ACO2: variants seen among roughly 807,000 people sequenced by gnomAD.
The protein encoded by ACO2 is aconitate hydratase, mitochondrial.
A neutral mutation model predicts 84.5 loss-of-function variants in ACO2; 31 were observed. The observed-to-expected ratio is 0.37, with a 90% CI of 0.28 to 0.50. The LOEUF is 0.50. Ranked by LOEUF, ACO2 falls within the 20% of genes least tolerant of loss-of-function variation. ACO2 has a pLI of 0.97. For synonymous variants in ACO2, 414 were observed against 412.7 expected, an observed-to-expected ratio of 1.00 and a Z score of -0.04; for missense variants, 685 against 1,029.3, an observed-to-expected ratio of 0.67 and a Z score of 4.58.
intron 2 of ACO2, among the ~76,000 whole-genome samples, chr22:41,501,446 A>AT (rs2066353179): frequency 6.6e-6 from 1 of 152,180 alleles, no homozygotes; most frequent in African/African-American, 2.4e-5. Context: ...ACCACAGAGG[A>AT]TGAGGAGTCG....
At chr22:41,479,591 C>T (rs2038063597) in intron 1 of ACO2, among the ~76,000 whole-genome samples, 1 of 152,132 alleles carries the variant, frequency 6.6e-6, no homozygotes, top group Non-Finnish European at 1.5e-5. Flanking sequence ...ACAGTTCAGT[C>T]GGCTCTGTGC....
At chr22:41,477,180 G>A (rs970670103) in intron 1 of ACO2, among the ~76,000 whole-genome samples, 34 of 150,950 alleles carry the variant, frequency 2.3e-4, no homozygotes, top group Non-Finnish European at 4.3e-4. Context: ...TTGAGACGGA[G>A]TCTGGCTCTG....
rs747948591 is a variant in ACO2 at position 41,515,734 on chromosome 22, C to CCT, written c.685-29_685-28dup. 1.2e-6 allele frequency: 2 copies of CCT among 1,612,080 alleles called. No homozygotes were observed. ...TCGTGGCTGGCACAGGCACACACGG[C>CCT]CTCTCACAGCCGCCTCGCCCCCTCC... On this transcript the variant is annotated intron_variant, in intron 5 of 17. Coordinates refer to ENST00000216254, the MANE Select transcript of ACO2 (RefSeq NM_001098.3). The surrounding 1 kb of genome is among the most constrained non-coding windows in gnomAD (Gnocchi z 5.8).
chr22:41,480,672 T>C (rs2038076086), intron 1 of ACO2, among the ~76,000 whole-genome samples: 2 of 152,324 alleles, frequency 1.3e-5, no homozygotes, highest in African/African-American at 4.8e-5. Flanking sequence ...TTCGTATATA[T>C]TTTTTGTAAT....
At chr22:41,512,897 G>A (rs1032012348) in intron 4 of ACO2, among the ~76,000 whole-genome samples, 1 of 152,068 alleles carries the variant, frequency 6.6e-6, no homozygotes, top group Non-Finnish European at 1.5e-5. Flanking sequence ...CTGCCTCTTC[G>A]CACCTTTGCA....
Position 41,504,614 on chromosome 22 carries a change from C to T in ACO2, c.174-3177C>T, listed in dbSNP as rs115086070. On this transcript the variant is annotated intron_variant, in intron 2 of 17. Transcript: ENST00000216254. ...GCCTTGGCGGTGCTGCCGCAATCGG[C>T]GCAGGCTGTACCTCAGGCTAGTGCT... Among the ~76,000 whole-genome samples the T allele has an allele frequency of 7.4e-3, 1,109 of 150,380 alleles. 22 individuals are homozygous for T. The highest frequency in any genetic ancestry group is 0.026 in the African/African-American group (1,056 of 41,090).
chr22:41,526,685 A>G (rs1044716354), intron 15 of ACO2: 3 of 483,452 alleles, frequency 6.2e-6, no homozygotes, highest in Non-Finnish European at 7.4e-6. Context: ...TTAGTGAGAG[A>G]TATCTTAGGA....
intron 1 of ACO2, among the ~76,000 whole-genome samples, chr22:41,471,602 A>T (rs918221387): frequency 6.6e-6 from 1 of 152,190 alleles, no homozygotes; most frequent in African/African-American, 2.4e-5. Context: ...CTGTATTCTA[A>T]TGTACCTGAC....
At chr22:41,494,235 C>T (rs2066295000) in intron 1 of ACO2, among the ~76,000 whole-genome samples, 1 of 152,132 alleles carries the variant, frequency 6.6e-6, no homozygotes, top group Admixed American at 6.6e-5. Context: ...GGGGCAACAG[C>T]AGGCACGTGG....
At chr22:41,504,711 CTTTTTT>C (rs926246283) in intron 2 of ACO2, among the ~76,000 whole-genome samples, 1 of 48,590 alleles carries the variant, frequency 2.1e-5, no homozygotes, top group Non-Finnish European at 4.0e-5. Flanking sequence ...ACCTTAGGGA[CTTTTTT>C]TTTTTTTTTT....
At chr22:41,470,873 G>A (rs1040852006) in intron 1 of ACO2, among the ~76,000 whole-genome samples, 1 of 152,106 alleles carries the variant, frequency 6.6e-6, no homozygotes, top group Non-Finnish European at 1.5e-5. Flanking sequence ...CTAGGTTAAT[G>A]ATGTGGAAAT....
At chr22:41,489,249 G>A (rs565908099) in intron 1 of ACO2, among the ~76,000 whole-genome samples, 1 of 152,118 alleles carries the variant, frequency 6.6e-6, no homozygotes, top group Admixed American at 6.6e-5. Flanking sequence ...TCACTGTGTT[G>A]TCCAGGCTGG....
chr22:41,518,376 C>T, intron 7 of ACO2, 105 bp from the exon 8 acceptor site: 2 of 825,932 alleles, frequency 2.4e-6, no homozygotes, highest in Non-Finnish European at 4.0e-6. Context: ...TAGTCAGTGC[C>T]CAGGGTGGGC....
intron 1 of ACO2, among the ~76,000 whole-genome samples, chr22:41,474,743 C>T (rs1253042094): frequency 5.9e-5 from 9 of 151,564 alleles, no homozygotes; most frequent in Non-Finnish European, 1.3e-4. Context: ...GAACTACAGG[C>T]GCCCGCTACC....
chr22:41,520,325 T>C, intron 9 of ACO2, 49 bp downstream of exon 9: 2 of 1,471,624 alleles, frequency 1.4e-6, no homozygotes, highest in Non-Finnish European at 1.9e-6. Flanking sequence ...GGCCAGTGGC[T>C]CTGCCCAGGG....
chr22:41,520,135 CCTCT>C (rs746520152), intron 8 of ACO2, 32 bp from the exon 9 acceptor site: 30 of 1,573,622 alleles, frequency 1.9e-5, no homozygotes, highest in Admixed American at 1.7e-4. Context: ...TTTCTTCCCT[CCTCT>C]CTTTCTTCTC....
At chr22:41,498,097 TCGCTC>T (rs1569009126) in intron 1 of ACO2, among the ~76,000 whole-genome samples, 1 of 152,076 alleles carries the variant, frequency 6.6e-6, no homozygotes, top group Non-Finnish European at 1.5e-5. Context: ...TGAGCTGAGA[TCGCTC>T]CACTGCATTC....
Position 41,515,439 on chromosome 22 carries a change from C to T in ACO2, c.588C>T (p.Pro196=). ...VLLIGTDSHT[P]NGGGLGGICI... ...TGATTGGCACTGACTCCCACACCCC[C>T]AATGGTGGCGGCCTTGGGGGCATCT... Residue 196 remains proline, a synonymous_variant, in exon 5 of 18, where the codon CCC becomes CCT. Transcript: ENST00000216254. The surrounding 1 kb of genome is among the most constrained non-coding windows in gnomAD (Gnocchi z 5.8). 1 of 1,613,882 alleles carries T rather than the reference C, an allele frequency of 6.2e-7. No individual in the cohort carries two copies. Among genetic ancestry groups the T allele is most frequent in the Admixed American group, 1.7e-5 (1 of 60,008 alleles).
chr22:41,514,736 G>A (rs765798701), intron 4 of ACO2, among the ~76,000 whole-genome samples: 4 of 152,216 alleles, frequency 2.6e-5, no homozygotes, highest in Non-Finnish European at 5.9e-5. Context: ...TGGGAGGAGC[G>A]CCTCAGTGAA....
Sources: gnomAD v4.1 joint callset for allele counts (sites outside exome capture counted in the v4.1 genomes callset) on GRCh38, gnomAD v4.1.1 for gene constraint, Gnocchi (gnomAD v3.1) non-coding constraint, MANE v1.5 for transcripts, NCBI Gene and HGNC (gene_info 2026-07-23, HGNC 2026-07-21) for gene names.